Variants in ALCAM observed in about 807,000 individuals in gnomAD.
ALCAM encodes the protein activated leukocyte cell adhesion molecule, also known as CD166 antigen.
A neutral mutation model predicts 70.9 loss-of-function variants in ALCAM; 30 were observed. That is an observed-to-expected ratio of 0.42 (90% CI 0.32 to 0.57). ALCAM has a LOEUF of 0.57. Ranked by LOEUF, ALCAM falls within the 20% of genes least tolerant of loss-of-function variation. ALCAM has a pLI of 0.11. For synonymous variants in ALCAM, 249 were observed against 242.5 expected, an observed-to-expected ratio of 1.03 and a Z score of -0.25; for missense variants, 591 against 695.1, an observed-to-expected ratio of 0.85 and a Z score of 1.68.
chr3:105,369,786 T>C (rs1392955151), intron 1 of ALCAM, among the ~76,000 whole-genome samples: 2 of 152,136 alleles, frequency 1.3e-5, no homozygotes, highest in Non-Finnish European at 2.9e-5. Context: ...TTTCGGCTTG[T>C]AGTCGCTACA....
At chr3:105,377,360 G>A (rs996152286) in intron 1 of ALCAM, among the ~76,000 whole-genome samples, 3 of 151,996 alleles carry the variant, frequency 2.0e-5, no homozygotes, top group African/African-American at 7.2e-5. Flanking sequence ...AAAATGTCTT[G>A]GAAGTGAAGT....
chr3:105,455,637 C>A (rs771664877), intron 1 of ALCAM, among the ~76,000 whole-genome samples: 3 of 152,120 alleles, frequency 2.0e-5, no homozygotes, highest in Non-Finnish European at 4.4e-5. Context: ...AAGGACTGGG[C>A]GGAAGTAGCT....
intron 1 of ALCAM, among the ~76,000 whole-genome samples, chr3:105,461,536 A>G (rs1050787563): frequency 2.6e-5 from 4 of 151,870 alleles, no homozygotes; most frequent in Non-Finnish European, 5.9e-5. Flanking sequence ...TATTCTGGAA[A>G]GGGAGAGATC....
intron 14 of ALCAM, among the ~76,000 whole-genome samples, chr3:105,558,656 A>C (rs1256496164): frequency 6.6e-6 from 1 of 152,142 alleles, no homozygotes; most frequent in African/African-American, 2.4e-5. Flanking sequence ...AGTTATTTGA[A>C]AGTAACTTTA....
chr3:105,561,971 A>C (rs561952617), intron 14 of ALCAM, among the ~76,000 whole-genome samples: 2 of 152,218 alleles, frequency 1.3e-5, no homozygotes, highest in East Asian at 3.9e-4. Flanking sequence ...GCATTATGAC[A>C]TAGGCATGAT....
intron 1 of ALCAM, among the ~76,000 whole-genome samples, chr3:105,419,957 G>A (rs369587820): frequency 1.3e-5 from 2 of 151,666 alleles, no homozygotes; most frequent in Non-Finnish European, 3.0e-5. Flanking sequence ...CTAGCTTCAC[G>A]GTTCTATCTG....
chr3:105,455,614 T>A (rs867890915), intron 1 of ALCAM, among the ~76,000 whole-genome samples: 3 of 152,006 alleles, frequency 2.0e-5, no homozygotes, highest in Non-Finnish European at 4.4e-5. Flanking sequence ...CAGACAAAAT[T>A]GAGGACTAAG....
intron 14 of ALCAM, among the ~76,000 whole-genome samples, chr3:105,563,499 T>TAAG (rs1478485331): frequency 6.6e-6 from 1 of 151,708 alleles, no homozygotes; most frequent in East Asian, 1.9e-4. Context: ...AGTATTAGAC[T>TAAG]TTCTTCTTTT....
intron 3 of ALCAM, among the ~76,000 whole-genome samples, chr3:105,526,195 C>T (rs1212987950): frequency 6.6e-6 from 1 of 151,434 alleles, no homozygotes; most frequent in African/African-American, 2.4e-5. Context: ...TAAAATTTTC[C>T]TACACTGAGA....
At chr3:105,461,895 T>C (rs1317255388) in intron 1 of ALCAM, among the ~76,000 whole-genome samples, 1 of 151,696 alleles carries the variant, frequency 6.6e-6, no homozygotes, top group African/African-American at 2.4e-5. Context: ...GCTGTATACA[T>C]GCTTTCCCAC....
At chr3:105,560,030 A>G (rs1288071727) in intron 14 of ALCAM, among the ~76,000 whole-genome samples, 1 of 152,184 alleles carries the variant, frequency 6.6e-6, no homozygotes, top group Non-Finnish European at 1.5e-5. Flanking sequence ...ACATTTTTAT[A>G]CAAGTGGTTT....
intron 1 of ALCAM, among the ~76,000 whole-genome samples, chr3:105,398,180 G>C (rs968989506): frequency 6.6e-6 from 1 of 152,148 alleles, no homozygotes; most frequent in Middle Eastern, 3.4e-3. Context: ...TGCCAGTCCT[G>C]GGACCACACT....
chr3:105,546,553 A>G (rs1045167871), intron 9 of ALCAM, among the ~76,000 whole-genome samples: 2 of 151,488 alleles, frequency 1.3e-5, no homozygotes, highest in African/African-American at 4.8e-5. Flanking sequence ...CTAGGCAACT[A>G]GACTAATTCA....
intron 14 of ALCAM, among the ~76,000 whole-genome samples, chr3:105,558,275 C>T (rs938846350): frequency 6.6e-5 from 10 of 152,062 alleles, no homozygotes; most frequent in African/African-American, 9.7e-5. Flanking sequence ...GCCTCACACC[C>T]GCTCTAAGAG....
At chr3:105,513,329 C>G (rs985456915) in intron 1 of ALCAM, 1 of 151,924 alleles carries the variant, frequency 6.6e-6, no homozygotes, top group South Asian at 2.1e-4. Context: ...CCAAGGAAAC[C>G]CTAAAGCCCA....
chr3:105,371,842 CTCT>C (rs1935243249), intron 1 of ALCAM, among the ~76,000 whole-genome samples: 1 of 152,110 alleles, frequency 6.6e-6, no homozygotes, highest in African/African-American at 2.4e-5. Flanking sequence ...AAGAATATGT[CTCT>C]GTCTCAATGT....
chr3:105,453,468 T>C (rs888654782), intron 1 of ALCAM, among the ~76,000 whole-genome samples: 1 of 152,360 alleles, frequency 6.6e-6, no homozygotes, highest in Non-Finnish European at 1.5e-5. Context: ...CTGTTTTGGT[T>C]ACTGGAGCCT....
At chr3:105,539,245 GT>G (rs1427413316) in intron 6 of ALCAM, among the ~76,000 whole-genome samples, 1 of 152,036 alleles carries the variant, frequency 6.6e-6, no homozygotes, top group Non-Finnish European at 1.5e-5. Flanking sequence ...TTTATTTCCT[GT>G]TTGCTAGATA....
At chr3:105,490,932 C>G (rs936860696) in intron 1 of ALCAM, among the ~76,000 whole-genome samples, 15 of 152,212 alleles carry the variant, frequency 9.9e-5, no homozygotes, top group African/African-American at 3.4e-4. Flanking sequence ...AATGGGAACT[C>G]TGTGTGGAGT....
Sources: allele counts gnomAD v4.1 joint callset (sites outside exome capture counted in the v4.1 genomes callset), GRCh38; gene constraint gnomAD v4.1.1; transcripts MANE v1.5; gene names NCBI Gene and HGNC (gene_info 2026-07-23, HGNC 2026-07-21).